DLG2: variants seen among roughly 807,000 people sequenced by gnomAD.
The protein encoded by DLG2 is disks large homolog 2.
A neutral mutation model predicts 132.5 loss-of-function variants in DLG2; 45 were observed. The observed-to-expected ratio is 0.34, with a 90% CI of 0.27 to 0.44. The LOEUF is 0.44. DLG2 is among the 20% of genes least tolerant of loss of function. The pLI is 1.00. For missense variants in DLG2, 1,045 were observed against 1,196.9 expected (o/e 0.87, Z 1.87); for synonymous variants, 424 against 419.6 (o/e 1.01, Z -0.13).
intron 3 of DLG2, among the ~76,000 whole-genome samples, chr11:85,428,055 T>C (rs2090900068): frequency 6.6e-6 from 1 of 152,104 alleles, no homozygotes; most frequent in South Asian, 2.1e-4. Context: ...GGTAAAGGGA[T>C]CAATTCAACA....
intron 6 of DLG2, among the ~76,000 whole-genome samples, chr11:85,072,799 A>G (rs1236230241): frequency 6.6e-6 from 1 of 151,860 alleles, no homozygotes; most frequent in African/African-American, 2.4e-5. Flanking sequence ...TTAGCAACAT[A>G]TCGGTAAATG....
chr11:83,803,290 G>A (rs937205653), intron 17 of DLG2, among the ~76,000 whole-genome samples: 4 of 152,042 alleles, frequency 2.6e-5, no homozygotes, highest in African/African-American at 9.7e-5. Flanking sequence ...GGTATGAAAA[G>A]GTGTCTATTT....
At chr11:84,071,211 C>G (rs905243718) in intron 10 of DLG2, among the ~76,000 whole-genome samples, 1 of 152,142 alleles carries the variant, frequency 6.6e-6, no homozygotes, top group African/African-American at 2.4e-5. Context: ...CCTACCTCAG[C>G]CTCCCATGTG....
chr11:85,105,400 G>C (rs962842443), intron 6 of DLG2, among the ~76,000 whole-genome samples: 2 of 152,082 alleles, frequency 1.3e-5, no homozygotes, highest in African/African-American at 4.8e-5. Flanking sequence ...TTAGGGAAAA[G>C]AGCAACATAT....
In DLG2 at chr11:84,029,573, G is replaced by A. The variant is rs537021687; in HGVS notation, c.919+29742C>T. Among the ~76,000 whole-genome samples the A allele has an allele frequency of 1.1e-4, 16 of 152,208 alleles. 1 individual carries two copies. In the South Asian group the frequency reaches 1.9e-3, roughly 18 times the overall value. ...AGCTTTACCGATGAAAGGGAAACAA[G>A]TGATATGAATAATACAGTAAAAATA... On this transcript the variant is annotated intron_variant, in intron 11 of 27. Transcript: ENST00000376104.
intron 8 of DLG2, among the ~76,000 whole-genome samples, chr11:84,170,965 A>C (rs965291255): frequency 6.6e-6 from 1 of 152,134 alleles, no homozygotes; most frequent in African/African-American, 2.4e-5. Flanking sequence ...ACCTCTGAAT[A>C]TCTCTGTCTT....
intron 7 of DLG2, among the ~76,000 whole-genome samples, chr11:84,467,645 C>A (rs992822504): frequency 6.6e-6 from 1 of 151,166 alleles, no homozygotes; most frequent in African/African-American, 2.4e-5. Flanking sequence ...AATGCATGAA[C>A]CATAATTGAA....
At chr11:85,407,522 T>C (rs1161995326) in intron 3 of DLG2, among the ~76,000 whole-genome samples, 1 of 151,880 alleles carries the variant, frequency 6.6e-6, no homozygotes, top group Non-Finnish European at 1.5e-5. Flanking sequence ...TTCTATCATA[T>C]CTAATATTAG....
chr11:84,936,559 A>G (rs1591539975), intron 6 of DLG2: 1 of 152,254 alleles, frequency 6.6e-6, no homozygotes, highest in Middle Eastern at 3.4e-3. Flanking sequence ...GCAATATAAT[A>G]CAATTCTATA....
chr11:84,039,013 C>T (rs115618681), intron 11 of DLG2, among the ~76,000 whole-genome samples: 2 of 152,008 alleles, frequency 1.3e-5, no homozygotes, highest in Non-Finnish European at 1.5e-5. Flanking sequence ...ATGGGAACTA[C>T]AAGATGAGAT....
rs34420832 is a variant in DLG2, at chr11:83,704,109, T to TA, written c.1826-70785dup. Among the ~76,000 whole-genome samples, 631 of 152,262 alleles carry TA rather than the reference T, an allele frequency of 4.1e-3. 4 individuals carry two copies. The highest frequency in any genetic ancestry group is 0.035 in the South Asian group (168 of 4,820). ...ATTGCCTTATTTATTTTTTATAATTTAAAAAAATCCCAATAAAATATCCTT... is the reference window on the plus strand; with the variant it reads ...ATTGCCTTATTTATTTTTTATAATTTAAAAAAAATCCCAATAAAATATCCTT... On this transcript the variant is annotated intron_variant, in intron 18 of 27. Transcript: ENST00000376104.
intron 2 of DLG2, among the ~76,000 whole-genome samples, chr11:85,613,151 C>T (rs1341270936): frequency 6.6e-6 from 1 of 152,196 alleles, no homozygotes; most frequent in Non-Finnish European, 1.5e-5. Context: ...TTCTAGGTCC[C>T]ATGGCAGCCA....
intron 22 of DLG2, chr11:83,480,472 G>C: frequency 6.6e-7 from 1 of 1,508,896 alleles, no homozygotes; most frequent in Non-Finnish European, 8.9e-7. Flanking sequence ...AGCCAGAACG[G>C]AAAGGAATAC....
chr11:84,126,311 G>A (rs1210589660), intron 9 of DLG2, among the ~76,000 whole-genome samples: 1 of 152,034 alleles, frequency 6.6e-6, no homozygotes, highest in East Asian at 1.9e-4. Flanking sequence ...GATGGCAGAG[G>A]TCAAGAAACA....
chr11:85,589,402 C>T (rs980890048), intron 3 of DLG2, among the ~76,000 whole-genome samples: 1 of 152,122 alleles, frequency 6.6e-6, no homozygotes, highest in Non-Finnish European at 1.5e-5. Context: ...TCAGGTTTCT[C>T]AAGTAATGGG....
At chr11:83,489,062 G>C (rs2093690774) in intron 21 of DLG2, among the ~76,000 whole-genome samples, 1 of 151,972 alleles carries the variant, frequency 6.6e-6, no homozygotes, top group Non-Finnish European at 1.5e-5. Flanking sequence ...TGAACTAATG[G>C]ATGTAGGCAT....
In DLG2 at chr11:83,927,632, G is replaced by A. The variant is rs72947753; in HGVS notation, c.1496+2696C>T. On this transcript the variant is annotated intron_variant, in intron 15 of 27. Transcript: ENST00000376104. ...GCAGGCAGTGGCTAGGTCATGCAGAGCCTGGATGCTATGTTAATGACTTCG... is the reference window on the plus strand; with the variant it reads ...GCAGGCAGTGGCTAGGTCATGCAGAACCTGGATGCTATGTTAATGACTTCG... Among the ~76,000 whole-genome samples, 718 of 152,254 alleles carry A rather than the reference G, an allele frequency of 4.7e-3. 3 individuals carry two copies. The highest frequency in any genetic ancestry group is 8.4e-3 in the Non-Finnish European group (568 of 68,016).
chr11:84,486,410 C>T (rs1011445528), intron 7 of DLG2, among the ~76,000 whole-genome samples: 3 of 152,054 alleles, frequency 2.0e-5, no homozygotes, highest in African/African-American at 7.2e-5. Context: ...AGTTGGAGCC[C>T]TCTTTGAGCT....
At chr11:84,379,950 C>G (rs1246176474) in intron 7 of DLG2, among the ~76,000 whole-genome samples, 1 of 151,604 alleles carries the variant, frequency 6.6e-6, no homozygotes, top group African/African-American at 2.4e-5. Context: ...AAAATCAACC[C>G]AAAAGGAAAG....
Sources: gnomAD v4.1 joint callset for allele counts (sites outside exome capture counted in the v4.1 genomes callset) on GRCh38, gnomAD v4.1.1 for gene constraint, MANE v1.5 for transcripts, NCBI Gene and HGNC (gene_info 2026-07-23, HGNC 2026-07-21) for gene names.